The following ESS2 variants were observed in gnomAD, a reference collection of about 807,000 sequenced individuals.
ESS2 encodes ess-2 spliceosome associated protein.
Under a neutral mutation model 52.0 loss-of-function variants are expected in ESS2, and 31 were observed. The observed-to-expected ratio is 0.60, with a 90% CI of 0.45 to 0.81. ESS2 has a LOEUF of 0.81. Ranked by LOEUF, ESS2 falls within the 30% of genes least tolerant of loss-of-function variation. The probability of loss-of-function intolerance (pLI) is 0.00; values close to 1 mark genes in which losing one functional copy is unlikely to be tolerated. For synonymous variants in ESS2, 285 were observed against 259.2 expected (o/e 1.10, Z -0.95); for missense variants, 602 against 637.2 (o/e 0.94, Z 0.59).
intron 3 of ESS2, among the ~76,000 whole-genome samples, chr22:19,140,733 C>T (rs919551277): frequency 3.3e-5 from 5 of 152,200 alleles, no homozygotes; most frequent in African/African-American, 1.2e-4. Flanking sequence ...CAGTCCTGAC[C>T]ACCTGCTACA....
At chr22:19,144,083 C>T (rs1306710901) in intron 1 of ESS2, 6 of 1,005,602 alleles carry the variant, frequency 6.0e-6, no homozygotes, top group South Asian at 4.1e-5. Flanking sequence ...TTCAGCTCCT[C>T]CTTCTGTGTG....
In ESS2 at chr22:19,130,289, G is replaced by A. The variant is rs2083495217; in HGVS notation, c.*3907C>T. The A allele has an allele frequency of 6.3e-6, 1 of 158,312 alleles. No individual in the cohort carries two copies. The allele number at this position is 158,312 out of a possible 1,614,324, so 9.8% of individuals were successfully genotyped here. ...GAGAAGCAGACAAACTAGGAAAGAA[G>A]GGAGTTTATCACTGTAACTGGATAC... On this transcript the variant is annotated 3_prime_UTR_variant, in exon 10 of 10. Transcript: ENST00000252137.
Position 19,134,232 on chromosome 22 carries a change from C to T in ESS2, c.1395G>A (p.Gln465=). Residue 465 remains glutamine (Q), a synonymous_variant, in exon 10 of 10, where the codon CAG becomes CAA. Transcript: ENST00000252137. Reference sequence around the variant, plus strand: ...CCGAAGCTTTGCGCCGGGCAGGGAGCTGCAGCAGGTTGTCCGTGATGGAGG... The same window carrying T: ...CCGAAGCTTTGCGCCGGGCAGGGAGTTGCAGCAGGTTGTCCGTGATGGAGG... ...DPASITDNLL[Q]LPARRKASDF... is the part of the protein sequence containing the mutation. 1 of 1,539,832 alleles carries T rather than the reference C, an allele frequency of 6.5e-7. No homozygotes were observed. Among genetic ancestry groups the T allele is most frequent in the Non-Finnish European group, 8.8e-7 (1 of 1,140,682 alleles).
At chr22:19,142,308 A>G (rs115527701) in intron 3 of ESS2, among the ~76,000 whole-genome samples, 4,967 of 152,344 alleles carry the variant, frequency 0.033, 170 homozygotes, top group East Asian at 0.06. Flanking sequence ...AAAAGCCAGC[A>G]AGAGCTGGTG....
rs1268948456 is a variant in ESS2 at position 19,142,653 on chromosome 22, T to C, written c.305-20A>G. ...TCACATCTAGGGGAAGAGAGGGGGA[T>C]AAGAATTAGAGTGAGCCTGAAGCGA... On this transcript the variant is annotated intron_variant, in intron 2 of 9. Transcript: ENST00000252137. 5 of 1,610,722 alleles carry C rather than the reference T, an allele frequency of 3.1e-6. No homozygotes were observed. The highest frequency in any genetic ancestry group is 4.2e-6 in the Non-Finnish European group (5 of 1,178,572).
intron 3 of ESS2, among the ~76,000 whole-genome samples, chr22:19,141,995 A>C (rs918395561): frequency 6.6e-6 from 1 of 152,188 alleles, no homozygotes; most frequent in African/African-American, 2.4e-5. Context: ...GTGTCAAAAA[A>C]TTAAAAATAA....
rs751178916 is a variant in ESS2 at position 19,132,021 on chromosome 22, A to G, written c.*2175T>C. On this transcript the variant is annotated 3_prime_UTR_variant, in exon 10 of 10. Coordinates refer to ENST00000252137, the MANE Select transcript of ESS2 (RefSeq NM_022719.3). The surrounding 1 kb of genome is among the most constrained non-coding windows in gnomAD (Gnocchi z 4.2). ...CTGGAGCCTGGGCGTGATCCTGTACATCATGGTCTGCGGCTCCATGCCCTA... is the reference window on the plus strand; with the variant it reads ...CTGGAGCCTGGGCGTGATCCTGTACGTCATGGTCTGCGGCTCCATGCCCTA... The G allele has an allele frequency of 4.3e-6, 7 of 1,614,096 alleles. No individual in the cohort carries two copies. In the East Asian group the frequency reaches 1.6e-4, roughly 36 times the overall value.
At chr22:19,136,959 C>T (rs1186007701) in intron 8 of ESS2, among the ~76,000 whole-genome samples, 2 of 152,158 alleles carry the variant, frequency 1.3e-5, no homozygotes, top group Non-Finnish European at 2.9e-5. Context: ...GTGTCCCAAT[C>T]GTGTTCTGTA....
chr22:19,139,858 C>T lies in ESS2; in HGVS notation c.567G>A (p.Glu189=). 1 of 1,614,142 alleles carries T rather than the reference C, an allele frequency of 6.2e-7. No homozygotes were observed. The highest frequency in any genetic ancestry group is 8.5e-7 in the Non-Finnish European group (1 of 1,180,012). ...AWLYQAEEEF[E]KRQKDNLELP... ...ACACCCCAGACCCCAGAGACACCTTCTCAAACTCTTCCTCAGCCTGGTAGA... is the reference window on the plus strand; with the variant it reads ...ACACCCCAGACCCCAGAGACACCTTTTCAAACTCTTCCTCAGCCTGGTAGA... Residue 189 remains glutamate (E), a synonymous_variant, in exon 4 of 10, where the codon GAG becomes GAA. Transcript: ENST00000252137.
At position 19,132,404 on chromosome 22, in the gene ESS2, C is replaced by T. The variant is rs1287968284; in HGVS notation, c.*1792G>A. 3 of 1,613,006 alleles carry T rather than the reference C, an allele frequency of 1.9e-6. No individual in the cohort carries two copies. Among genetic ancestry groups the T allele is most frequent in the Non-Finnish European group, 2.5e-6 (3 of 1,179,998 alleles). On this transcript the variant is annotated 3_prime_UTR_variant, in exon 10 of 10. Transcript: ENST00000252137. This position sits in a 1 kb window ranked among gnomAD's most constrained non-coding sequence, Gnocchi z 4.2. ...CCGAGAACGAGAACAGGATGGAGGA[C>T]AGGCTGGCCGAGACCTCCAGGGCCA... is the stretch of plus-strand genomic sequence containing the variant.
chr22:19,144,464 G>C (rs1210447400), intron 1 of ESS2, 42 bp downstream of exon 1: 2 of 1,610,550 alleles, frequency 1.2e-6, no homozygotes, highest in Non-Finnish European at 1.7e-6. Flanking sequence ...TTGAAGCAGA[G>C]GATGGGCCCA....
chr22:19,143,881 C>T (rs530039021), intron 1 of ESS2, among the ~76,000 whole-genome samples: 5 of 152,078 alleles, frequency 3.3e-5, no homozygotes, highest in Non-Finnish European at 5.9e-5. Flanking sequence ...AAAAATAAAC[C>T]TTTTTCCTGA....
At chr22:19,144,293 G>A in intron 1 of ESS2, 9 of 1,332,074 alleles carry the variant, frequency 6.8e-6, no homozygotes, top group Non-Finnish European at 8.7e-6. Flanking sequence ...TACAAAGAGA[G>A]CCGCTCTCTC....
intron 8 of ESS2, among the ~76,000 whole-genome samples, chr22:19,135,985 G>A (rs1166911635): frequency 1.4e-5 from 2 of 142,478 alleles, no homozygotes; most frequent in African/African-American, 5.2e-5. Flanking sequence ...AGCTATGATT[G>A]CACCACTGTT....
At position 19,131,281 on chromosome 22, in the gene ESS2, C is replaced by T. The variant is rs2083503305; in HGVS notation, c.*2915G>A. 1.4e-5 allele frequency: 12 copies of T among 828,204 alleles called. No individual in the cohort carries two copies. Among genetic ancestry groups the T allele is most frequent in the Middle Eastern group, 2.3e-4 (1 of 4,256 alleles). The allele number at this position is 828,204 out of a possible 1,614,324, so 51.3% of individuals were successfully genotyped here. ...AATGCTGAGTGTTCCACCCCTGAGT[C>T]GAAGCCCAGCCCAGGGCAGCCCAGC... On this transcript the variant is annotated 3_prime_UTR_variant, in exon 10 of 10. Coordinates refer to ENST00000252137, the MANE Select transcript of ESS2 (RefSeq NM_022719.3). This position sits in a 1 kb window ranked among gnomAD's most constrained non-coding sequence, Gnocchi z 5.7.
At chr22:19,142,502 C>T (rs758807357) in intron 3 of ESS2, 36 bp downstream of exon 3, 1 of 1,556,714 alleles carries the variant, frequency 6.4e-7, no homozygotes, top group African/African-American at 1.4e-5. Flanking sequence ...CCAGGCAATC[C>T]TGACCATGTG....
Position 19,142,859 on chromosome 22 carries a change from A to G in ESS2, c.171T>C (p.Pro57=). ...LQTVIQRDFF[P]DVEKLQAQKE... is the part of the protein sequence containing the mutation. ...TCTGTGCCTGGAGCTTCTCCACATCAGGAAAGAAATCCCTTTGGATGACCG... is the reference window on the plus strand; with the variant it reads ...TCTGTGCCTGGAGCTTCTCCACATCGGGAAAGAAATCCCTTTGGATGACCG... The change falls in exon 2 of 10, where the codon CCT becomes CCC. Residue 57 remains proline, a synonymous_variant. Transcript: ENST00000252137. The G allele has an allele frequency of 6.2e-7, 1 of 1,614,018 alleles. No individual in the cohort carries two copies. Among genetic ancestry groups the G allele is most frequent in the South Asian group, 1.1e-5 (1 of 91,074 alleles).
intron 7 of ESS2, 191 bp downstream of exon 7, chr22:19,138,024 C>T (rs2083614233): frequency 3.0e-6 from 3 of 985,352 alleles, no homozygotes; most frequent in African/African-American, 1.7e-5. Flanking sequence ...GAGTCCAGCC[C>T]ACCCACGGCC....
At position 19,132,658 on chromosome 22, in the gene ESS2, C is replaced by A; in HGVS notation, c.*1538G>T. On this transcript the variant is annotated 3_prime_UTR_variant, in exon 10 of 10. Transcript: ENST00000252137. The surrounding 1 kb of genome is among the most constrained non-coding windows in gnomAD (Gnocchi z 4.2). ...GCTTTCTTCCACTTAGCAGCAAAGA[C>A]GTTCCTTACTGACCACCAAATAAAC... The A allele has an allele frequency of 1.4e-5, 9 of 644,878 alleles. No homozygotes were observed. In the South Asian group the frequency reaches 1.6e-4, roughly 11 times the overall value. The allele number at this position is 644,878 out of a possible 1,614,324, so 39.9% of individuals were successfully genotyped here.
Sources: allele counts gnomAD v4.1 joint callset (sites outside exome capture counted in the v4.1 genomes callset), GRCh38; gene constraint gnomAD v4.1.1; non-coding constraint Gnocchi (gnomAD v3.1); transcripts MANE v1.5; gene names NCBI Gene and HGNC (gene_info 2026-07-23, HGNC 2026-07-21).